Variants in STAB2 observed in about 807,000 individuals in gnomAD.
The protein encoded by STAB2 is stabilin-2.
In STAB2, 288 loss-of-function variants were observed where a neutral mutation model predicts 338.1. The observed-to-expected ratio is 0.85, with a 90% CI of 0.77 to 0.94. STAB2 has a LOEUF of 0.94. Among genes scored for constraint, STAB2 ranks in the 40% least tolerant of loss-of-function variants. STAB2 has a pLI of 0.00. For missense variants in STAB2, 3,141 were observed against 3,210.1 expected (o/e 0.98, Z 0.52); for synonymous variants, 1,202 against 1,193.3 (o/e 1.01, Z -0.15).
chr12:103,716,592 G>T (rs1880333740), intron 43 of STAB2, among the ~76,000 whole-genome samples: 1 of 152,154 alleles, frequency 6.6e-6, no homozygotes, highest in Admixed American at 6.5e-5. Context: ...GTCTCTCAAT[G>T]GGCAGATCAA....
chr12:103,689,745 C>T (rs912142220), intron 28 of STAB2, 101 bp from the exon 29 acceptor site: 4 of 1,471,182 alleles, frequency 2.7e-6, no homozygotes, highest in East Asian at 2.3e-5. Context: ...TAGGACCCTT[C>T]CAGTATCTTA....
chr12:103,766,235 A>G (rs1180625727), intron 68 of STAB2, 51 bp from the exon 69 acceptor site: 1 of 1,611,680 alleles, frequency 6.2e-7, no homozygotes, highest in Non-Finnish European at 8.5e-7. Context: ...AGATTCAACT[A>G]GGACTCAACA....
rs1566016474 is a variant in STAB2 at position 103,688,175 on chromosome 12, C to T, written c.3005C>T (p.Ser1002Leu). 6.2e-7 allele frequency: 1 copy of T among 1,613,762 alleles called. No individual in the cohort carries two copies. The highest frequency in any genetic ancestry group is 8.5e-7 in the Non-Finnish European group (1 of 1,179,696). Residue 1002 changes from serine to leucine, a missense_variant, in exon 28 of 69, where the codon TCA (serine) becomes TTA (leucine). Ser to Leu is a moderately radical substitution (Grantham distance 145). Coordinates refer to ENST00000388887, the MANE Select transcript of STAB2 (RefSeq NM_017564.10). ...LCYGNAAVEL[S>L]FLSEAAIFNR... The stretch of plus-strand genomic sequence containing the variant: ...TTGCATGATATGAATAAGGAATTGT[C>T]ATTTCTCTCCGAAGCAGCTATATTT...
At chr12:103,707,015 C>G (rs1224364167) in intron 38 of STAB2, 28 bp downstream of exon 38, 1 of 1,608,098 alleles carries the variant, frequency 6.2e-7, no homozygotes, top group South Asian at 1.1e-5. Flanking sequence ...CACAGAGGAT[C>G]TTGGGCTGCT....
At chr12:103,726,209 C>A in intron 46 of STAB2, 46 bp downstream of exon 46, 1 of 1,603,280 alleles carries the variant, frequency 6.2e-7, no homozygotes, top group African/African-American at 1.3e-5. Flanking sequence ...TCAGCCTAGG[C>A]CAGGTGCAGT....
At chr12:103,606,599 G>T (rs1957031569) in intron 3 of STAB2, among the ~76,000 whole-genome samples, 1 of 152,118 alleles carries the variant, frequency 6.6e-6, no homozygotes. Context: ...GTTTTTGAAA[G>T]ATATTGTTGT....
chr12:103,615,987 T>A (rs966068350), intron 3 of STAB2, among the ~76,000 whole-genome samples: 1 of 152,170 alleles, frequency 6.6e-6, no homozygotes, highest in Non-Finnish European at 1.5e-5. Flanking sequence ...ATCATATACC[T>A]AATGAGGAGG....
At chr12:103,612,299 C>T (rs1236441225) in intron 3 of STAB2, among the ~76,000 whole-genome samples, 1 of 152,224 alleles carries the variant, frequency 6.6e-6, no homozygotes, top group Non-Finnish European at 1.5e-5. Context: ...TAGTTCCATT[C>T]TCCCCATCAC....
rs1469354508 is a variant in STAB2 at position 103,733,887 on chromosome 12, T to TATAGGAGCAAGCACAATCAC, written c.5460+716_5460+735dup. ...GATCATATAGGAGCAAGCACGATCA[T>TATAGGAGCAAGCACAATCAC]ATAGGAGCAAGCACAATCACATAGG... On this transcript the variant is annotated intron_variant, in intron 51 of 68. Transcript: ENST00000388887. 5.9e-3 allele frequency among the ~76,000 whole-genome samples: 842 copies of TATAGGAGCAAGCACAATCAC among 141,836 alleles called. 4 individuals carry two copies. The highest frequency in any genetic ancestry group is 0.024 in the African/African-American group (792 of 32,980). The allele number at this position is 141,836 out of a possible 152,430, so 93.0% of individuals were successfully genotyped here.
At chr12:103,656,651 G>A (rs1289732646) in intron 15 of STAB2, among the ~76,000 whole-genome samples, 1 of 151,534 alleles carries the variant, frequency 6.6e-6, no homozygotes, top group African/African-American at 2.4e-5. Flanking sequence ...TATCTATAAG[G>A]ATATCTTGCT....
At chr12:103,590,260 A>G (rs1424902149) in intron 1 of STAB2, among the ~76,000 whole-genome samples, 1 of 152,220 alleles carries the variant, frequency 6.6e-6, no homozygotes, top group East Asian at 1.9e-4. Flanking sequence ...TTAATCAACA[A>G]ATATTCACTG....
At chr12:103,652,737 C>A (rs1360959903) in intron 12 of STAB2, 32 bp downstream of exon 12, 1 of 1,524,288 alleles carries the variant, frequency 6.6e-7, no homozygotes, top group South Asian at 1.4e-5. Flanking sequence ...ACTCCCAGAA[C>A]TAAATTATCC....
At chr12:103,700,090 C>G (rs12426734) in intron 34 of STAB2, among the ~76,000 whole-genome samples, 16,092 of 152,184 alleles carry the variant, frequency 0.11, 990 homozygotes, top group African/African-American at 0.17. Flanking sequence ...CACTGGTATT[C>G]TAGTGTTCAT....
chr12:103,748,560 G>A (rs989133272), intron 58 of STAB2, among the ~76,000 whole-genome samples: 9 of 150,092 alleles, frequency 6.0e-5, no homozygotes, highest in Admixed American at 5.4e-4. Context: ...CTCACAGGGT[G>A]CTCAATATTG....
intron 63 of STAB2, among the ~76,000 whole-genome samples, chr12:103,756,637 C>A (rs1566081847): frequency 6.6e-6 from 1 of 152,188 alleles, no homozygotes. Flanking sequence ...CAGCCTCCCC[C>A]TCATGCTTTC....
In STAB2 at chr12:103,705,708, A is replaced by T; in HGVS notation, c.3977A>T (p.Lys1326Ile). Reference sequence around the variant, plus strand: ...ACCCTGTTTATTGGGTGCCAGCCAAAATGTGTGAGAACCGTCATTGTGAGT... The same window carrying T: ...ACCCTGTTTATTGGGTGCCAGCCAATATGTGTGAGAACCGTCATTGTGAGT... ...RRTLFIGCQP[K>I]CVRTVITREC... The change falls in exon 37 of 69, where the codon AAA (lysine) becomes ATA (isoleucine). Residue 1326 changes from lysine to isoleucine, a missense_variant. Coordinates refer to ENST00000388887, the MANE Select transcript of STAB2 (RefSeq NM_017564.10). 1 of 1,614,192 alleles carries T rather than the reference A, an allele frequency of 6.2e-7. No homozygotes were observed. The highest frequency in any genetic ancestry group is 1.1e-5 in the South Asian group (1 of 91,076).
chr12:103,677,551 G>A lies in STAB2; in HGVS notation c.2745G>A (p.Leu915=). The change falls in exon 25 of 69, where the codon CTG becomes CTA. Residue 915 remains leucine (L), a synonymous_variant. Coordinates refer to ENST00000388887, the MANE Select transcript of STAB2 (RefSeq NM_017564.10). The stretch of plus-strand genomic sequence containing the variant: ...ACTGCTCGGAGATCAACAACTGCCT[G>A]CTGCCCAGTGCAGGCGGCTGCCACG... ...GRDCSEINNC[L]LPSAGGCHDN... is the part of the protein sequence containing the mutation. 6.2e-7 allele frequency: 1 copy of A among 1,614,200 alleles called. No homozygotes were observed. The highest frequency in any genetic ancestry group is 1.3e-5 in the African/African-American group (1 of 75,068).
chr12:103,730,994 G>A (rs916346798), intron 49 of STAB2, among the ~76,000 whole-genome samples: 2 of 152,192 alleles, frequency 1.3e-5, no homozygotes, highest in Admixed American at 6.5e-5. Context: ...TGCTTGCAGT[G>A]AGCTGAGGGC....
intron 39 of STAB2, 77 bp from the exon 40 acceptor site, chr12:103,711,394 T>C: frequency 6.3e-7 from 1 of 1,597,344 alleles, no homozygotes; most frequent in Non-Finnish European, 8.6e-7. Flanking sequence ...AAGTAGCTTT[T>C]CTGAGCACAA....
Sources: allele counts gnomAD v4.1 joint callset (sites outside exome capture counted in the v4.1 genomes callset), GRCh38; gene constraint gnomAD v4.1.1; transcripts MANE v1.5; gene names NCBI Gene and HGNC (gene_info 2026-07-23, HGNC 2026-07-21).